Variants in RSPRY1 observed in about 807,000 individuals in gnomAD.
RSPRY1 encodes the protein ring finger and SPRY domain containing 1.
In RSPRY1, 23 loss-of-function variants were observed where a neutral mutation model predicts 73.1. That is an observed-to-expected ratio of 0.31 (90% CI 0.23 to 0.45). The LOEUF (loss-of-function observed/expected upper bound fraction) is 0.45. RSPRY1 is among the 20% of genes least tolerant of loss of function. The pLI is 1.00. For synonymous variants in RSPRY1, 226 were observed against 251.4 expected (o/e 0.90, Z 0.95); for missense variants, 448 against 698.7 (o/e 0.64, Z 4.05).
chr16:57,238,756 C>T, intron 14 of RSPRY1, 123 bp from the exon 15 acceptor site: 13 of 515,760 alleles, frequency 2.5e-5, no homozygotes, highest in Non-Finnish European at 3.9e-5. Context: ...TTTTTTAAAC[C>T]ATGTATAATT....
chr16:57,205,871 A>C (rs1048883152), intron 2 of RSPRY1, among the ~76,000 whole-genome samples: 1 of 152,232 alleles, frequency 6.6e-6, no homozygotes, highest in Non-Finnish European at 1.5e-5. Context: ...TGTACTTAAC[A>C]GTTGCTCAGT....
intron 1 of RSPRY1, among the ~76,000 whole-genome samples, chr16:57,198,985 T>C (rs903697066): frequency 3.9e-5 from 6 of 152,220 alleles, no homozygotes; most frequent in African/African-American, 7.2e-5. Flanking sequence ...ATGTCTCTAA[T>C]CCTGGACTAC....
intron 1 of RSPRY1, among the ~76,000 whole-genome samples, chr16:57,200,667 C>T (rs2074560064): frequency 9.4e-5 from 1 of 10,616 alleles, no homozygotes; most frequent in Non-Finnish European, 2.2e-4. Context: ...GGGGGCTGAC[C>T]CCCCCACCTC....
At chr16:57,195,215 G>C (rs1019926053) in intron 1 of RSPRY1, among the ~76,000 whole-genome samples, 13 of 152,108 alleles carry the variant, frequency 8.5e-5, no homozygotes, top group African/African-American at 2.9e-4. Flanking sequence ...AATTGTTATC[G>C]AGAGTATAAT....
rs2074859599 is a variant in RSPRY1, at chr16:57,212,353, CT to C, written c.517-612del. 2.0e-5 allele frequency among the ~76,000 whole-genome samples: 3 copies of C among 152,118 alleles called. No homozygotes were observed. The South Asian group carries it at 6.2e-4, about 31-fold the overall frequency. Reference sequence around the variant, plus strand: ...TGGGATTTGTTTTTGCTTAGTAAAACTTTTTTTAAAGTAACTTTTTACTTCA... The same window carrying C: ...TGGGATTTGTTTTTGCTTAGTAAAACTTTTTTAAAGTAACTTTTTACTTCA... On this transcript the variant is annotated intron_variant, in intron 4 of 14. Coordinates refer to ENST00000394420, the MANE Select transcript of RSPRY1 (RefSeq NM_133368.3).
At chr16:57,237,198 C>T (rs1232126221) in intron 14 of RSPRY1, among the ~76,000 whole-genome samples, 2 of 152,104 alleles carry the variant, frequency 1.3e-5, no homozygotes, top group Non-Finnish European at 2.9e-5. Flanking sequence ...GGCTGGAGTA[C>T]AGTGGTGTGA....
rs1444343587 is a variant in RSPRY1 at position 57,222,767 on chromosome 16, A to G, written c.1161+1352A>G. 7.2e-5 allele frequency among the ~76,000 whole-genome samples: 11 copies of G among 152,368 alleles called. No homozygotes were observed. In the East Asian group the frequency reaches 2.1e-3, roughly 29 times the overall value. On this transcript the variant is annotated intron_variant, in intron 10 of 14. Coordinates refer to ENST00000394420, the MANE Select transcript of RSPRY1 (RefSeq NM_133368.3). ...TCATTTGGAAGTGAAAAATTGTTCT[A>G]GAACTAGAAGTAATAGGGGATTCTT...
rs757061549 is a variant in RSPRY1, at chr16:57,204,820, C to T, written c.162C>T (p.Asp54=). The T allele has an allele frequency of 6.2e-7, 1 of 1,614,170 alleles. No individual in the cohort carries two copies. The change falls in exon 2 of 15, where the codon GAC becomes GAT. Residue 54 remains aspartate, a synonymous_variant. Coordinates refer to ENST00000394420, the MANE Select transcript of RSPRY1 (RefSeq NM_133368.3). ...GCCGAGATGACAGTGGAACAGATGA[C>T]AGTGTTGACACCCAACAGCAACAGG... is the stretch of plus-strand genomic sequence containing the variant. ...CICRDDSGTD[D]SVDTQQQQAE...
chr16:57,234,643 G>A (rs935845552), intron 13 of RSPRY1, among the ~76,000 whole-genome samples: 5 of 152,244 alleles, frequency 3.3e-5, no homozygotes, highest in African/African-American at 4.8e-5. Flanking sequence ...CATGCTGAGT[G>A]AAAGTATAAT....
At chr16:57,219,831 G>A (rs1331285765) in intron 8 of RSPRY1, 2 of 152,126 alleles carry the variant, frequency 1.3e-5, no homozygotes, top group Non-Finnish European at 2.9e-5. Flanking sequence ...TTTGATTTTT[G>A]TAGGCAATGA....
At chr16:57,222,870 G>A (rs767895104) in intron 10 of RSPRY1, among the ~76,000 whole-genome samples, 8 of 152,164 alleles carry the variant, frequency 5.3e-5, no homozygotes, top group Non-Finnish European at 1.0e-4. Flanking sequence ...GTCTGGCACT[G>A]AATGTTACAA....
At chr16:57,217,255 T>A in intron 8 of RSPRY1, among the ~76,000 whole-genome samples, 1 of 152,198 alleles carries the variant, frequency 6.6e-6, no homozygotes, top group East Asian at 1.9e-4. Context: ...TTCAAAAACC[T>A]TTACTGGCAC....
chr16:57,195,792 G>A (rs902925523), intron 1 of RSPRY1, among the ~76,000 whole-genome samples: 6 of 151,758 alleles, frequency 4.0e-5, no homozygotes, highest in African/African-American at 1.2e-4. Flanking sequence ...GGAGGCTGAA[G>A]TGGGTGGATC....
chr16:57,238,783 A>T (rs956452596), intron 14 of RSPRY1, 96 bp from the exon 15 acceptor site: 4 of 612,250 alleles, frequency 6.5e-6, no homozygotes, highest in Middle Eastern at 2.7e-4. Context: ...CCTTTCAATG[A>T]ACAAACTTGT....
intron 4 of RSPRY1, among the ~76,000 whole-genome samples, chr16:57,211,724 T>TC (rs1597891830): frequency 1.3e-5 from 2 of 152,102 alleles, no homozygotes; most frequent in East Asian, 3.9e-4. Flanking sequence ...TTTTTTTTTT[T>TC]CTTTTTTTCT....
chr16:57,219,479 G>A (rs1254695967), intron 8 of RSPRY1, among the ~76,000 whole-genome samples: 14 of 152,116 alleles, frequency 9.2e-5, no homozygotes, highest in African/African-American at 2.4e-4. Context: ...ATGTCTATTC[G>A]GATGTTTTGC....
At chr16:57,217,173 T>A in intron 8 of RSPRY1, 138 bp downstream of exon 8, 1 of 899,508 alleles carries the variant, frequency 1.1e-6, no homozygotes, top group Admixed American at 2.3e-5. Context: ...GGATATATTC[T>A]AGCAGAAAAG....
intron 10 of RSPRY1, among the ~76,000 whole-genome samples, chr16:57,226,526 C>T (rs1202176346): frequency 6.6e-6 from 1 of 152,164 alleles, no homozygotes; most frequent in South Asian, 2.1e-4. Context: ...AAGGGTTCCT[C>T]TCCTTTTTAG....
In RSPRY1 at chr16:57,238,964, C is replaced by T. The variant is rs757321093; in HGVS notation, c.1720C>T (p.His574Tyr). Residue 574 changes from histidine (H) to tyrosine (Y), a missense_variant, in exon 15 of 15, where the codon CAT (histidine) becomes TAT (tyrosine). By Grantham distance (83) the His-to-Tyr change is moderately conservative. Coordinates refer to ENST00000394420, the MANE Select transcript of RSPRY1 (RefSeq NM_133368.3). ...AGTATCTAGAATCAGACAGATTTCT[C>T]ATATTTCATGACACATGTGAAGAGG... The part of the protein sequence containing the change: ...EIVSRIRQIS[H>Y]IS The T allele has an allele frequency of 6.3e-7, 1 of 1,589,890 alleles. No homozygotes were observed. Among genetic ancestry groups the T allele is most frequent in the South Asian group, 1.1e-5 (1 of 88,998 alleles).
Sources: gnomAD v4.1 joint callset for allele counts (sites outside exome capture counted in the v4.1 genomes callset) on GRCh38, gnomAD v4.1.1 for gene constraint, MANE v1.5 for transcripts, NCBI Gene and HGNC (gene_info 2026-07-23, HGNC 2026-07-21) for gene names.